KPTN: variants seen among roughly 807,000 people sequenced by gnomAD.
KPTN encodes KICSTOR complex protein kaptin.
In KPTN, 36 loss-of-function variants were observed where a neutral mutation model predicts 52.6. The observed-to-expected ratio is 0.68, with a 90% CI of 0.52 to 0.90. KPTN has a LOEUF of 0.90. Among genes scored for constraint, KPTN ranks in the 40% least tolerant of loss-of-function variants. The pLI is 0.00. For missense variants in KPTN, 529 were observed against 576.2 expected (o/e 0.92, Z 0.84); for synonymous variants, 271 against 248.4 (o/e 1.09, Z -0.85).
At chr19:47,484,315 C>G, upstream of KPTN, 1 of 978,112 alleles carries the variant, frequency 1.0e-6, no homozygotes, top group Non-Finnish European at 1.5e-6. Context: ...AAGATGGCGG[C>G]CAGGTCGCCT....
intron 7 of KPTN, 113 bp from the exon 8 acceptor site, chr19:47,480,053 T>C (rs1967815769): frequency 1.4e-5 from 6 of 436,916 alleles, no homozygotes; most frequent in Admixed American, 1.1e-4. Context: ...CCCGCCCCTC[T>C]GAAGCCCTCA....
intron 7 of KPTN, 68 bp from the exon 8 acceptor site, chr19:47,480,008 G>T: frequency 2.5e-6 from 3 of 1,212,720 alleles, no homozygotes; most frequent in Non-Finnish European, 3.4e-6. Flanking sequence ...TGAAACCATC[G>T]ACTTTCCGCC....
Position 47,481,002 on chromosome 19 carries a change from A to T in KPTN, c.481T>A (p.Phe161Ile). The T allele has an allele frequency of 6.3e-7, 1 of 1,593,736 alleles. No individual in the cohort carries two copies. Among genetic ancestry groups the T allele is most frequent in the Non-Finnish European group, 8.6e-7 (1 of 1,169,144 alleles). Residue 161 changes from phenylalanine to isoleucine, a missense_variant, in exon 5 of 12, where the codon TTT becomes ATT. Transcript: ENST00000338134. ...GCCGGGTCGTTCCCACTCAAGAGAA[A>T]CACAGTCTCAAGTTGATCCCCGACC... ...VQVGDQLETV[F>I]LLSGNDPAIH...
rs1967964464 is a variant in KPTN at position 47,483,553 on chromosome 19, G to C, written c.258C>G (p.Phe86Leu). Residue 86 changes from phenylalanine to leucine, a missense_variant, in exon 2 of 12, where the codon TTC becomes TTG. Coordinates refer to ENST00000338134, the MANE Select transcript of KPTN (RefSeq NM_007059.4). ...VDAEIVSIDTFNKSPPKRGLV... is the reference protein window; with the variant it reads ...VDAEIVSIDTLNKSPPKRGLV... ...GACCCCGCTTGGGGGGTGACTTGTT[G>C]AAAGTGTCGATGGAGACAATCTCCG... 6.4e-7 allele frequency: 1 copy of C among 1,570,448 alleles called. No homozygotes were observed. Among genetic ancestry groups the C allele is most frequent in the African/African-American group, 1.4e-5 (1 of 73,908 alleles).
At chr19:47,484,220 G>A (rs182647278), upstream of KPTN, 482 of 1,525,432 alleles carry the variant, frequency 3.2e-4, 3 homozygotes, top group African/African-American at 5.3e-3. Context: ...CCCAACCTAC[G>A]ACTCTCTAAG....
intron 8 of KPTN, 133 bp from the exon 9 acceptor site, chr19:47,477,914 G>A (rs1210813389): frequency 3.5e-6 from 2 of 578,272 alleles, no homozygotes; most frequent in Non-Finnish European, 3.2e-6. Context: ...ACAAAAATTA[G>A]CCGGGCATGG....
intron 11 of KPTN, 28 bp downstream of exon 11, chr19:47,476,504 C>T (rs1284630727): frequency 1.3e-6 from 2 of 1,563,892 alleles, no homozygotes; most frequent in African/African-American, 2.9e-5. Context: ...GAGGTCGACT[C>T]CCCTCCCACC....
chr19:47,480,343 G>T lies in KPTN; in HGVS notation c.664C>A (p.Gln222Lys). The part of the protein sequence containing the change: ...TSRRLSALGC[Q>K]SGYVRVAHVD... ...TGGGCGACACGGACATAACCACTCT[G>T]ACAGCCCAGAGCTGAGAGGCGCCGG... Residue 222 changes from glutamine to lysine, a missense_variant, in exon 7 of 12, where the codon CAG (glutamine) becomes AAG (lysine). By Grantham distance (53) the Gln-to-Lys change is moderately conservative (BLOSUM62 1). Coordinates refer to ENST00000338134, the MANE Select transcript of KPTN (RefSeq NM_007059.4). 2 of 1,549,256 alleles carry T rather than the reference G, an allele frequency of 1.3e-6. No individual in the cohort carries two copies. The highest frequency in any genetic ancestry group is 1.7e-6 in the Non-Finnish European group (2 of 1,146,346).
chr19:47,476,849 A>G lies in KPTN; in HGVS notation c.953T>C (p.Val318Ala). Residue 318 changes from valine to alanine, a missense_variant, in exon 10 of 12, where the codon GTG (valine) becomes GCG (alanine). Transcript: ENST00000338134. ...DSVLCSLVTD[V>A]DLDGRPEVLV... ...GACTTCTGGCCGCCCATCCAAATCCACATCGGTGACCAGGCTGCAGAGGAC... is the reference window on the plus strand; with the variant it reads ...GACTTCTGGCCGCCCATCCAAATCCGCATCGGTGACCAGGCTGCAGAGGAC... 6.3e-7 allele frequency: 1 copy of G among 1,577,528 alleles called. No individual in the cohort carries two copies. The highest frequency in any genetic ancestry group is 8.6e-7 in the Non-Finnish European group (1 of 1,161,152).
chr19:47,480,429 AGGAC>A, intron 6 of KPTN, 22 bp from the exon 7 acceptor site: 1 of 1,505,318 alleles, frequency 6.6e-7, no homozygotes, highest in South Asian at 1.3e-5. Context: ...GTGGATGGAC[AGGAC>A]GGACGGCCAT....
chr19:47,480,055 A>G (rs1967815861), intron 7 of KPTN, 115 bp from the exon 8 acceptor site: 1 of 514,942 alleles, frequency 1.9e-6, no homozygotes, highest in South Asian at 1.9e-5. Context: ...CGCCCCTCTG[A>G]AGCCCTCAAC....
chr19:47,485,209 T>C (rs1055305484), upstream of KPTN, among the ~76,000 whole-genome samples: 2 of 152,184 alleles, frequency 1.3e-5, no homozygotes, highest in African/African-American at 4.8e-5. Context: ...TCAGGATTCA[T>C]TGAGCTTTTA....
chr19:47,481,280 C>G (rs967600462), intron 4 of KPTN, among the ~76,000 whole-genome samples: 1 of 152,146 alleles, frequency 6.6e-6, no homozygotes, highest in Non-Finnish European at 1.5e-5. Flanking sequence ...CTCAGAATTG[C>G]GGGAACATGG....
intron 8 of KPTN, 127 bp downstream of exon 8, chr19:47,479,736 G>A: frequency 2.8e-6 from 2 of 706,616 alleles, no homozygotes; most frequent in Non-Finnish European, 5.0e-6. Context: ...GGGGATCCAG[G>A]AGAGAGGGAC....
chr19:47,478,546 C>T (rs534718424), intron 8 of KPTN, among the ~76,000 whole-genome samples: 2 of 109,728 alleles, frequency 1.8e-5, no homozygotes, highest in Admixed American at 2.8e-4. Context: ...CCACTGCAAC[C>T]AGCCTGACCA....
intron 4 of KPTN, among the ~76,000 whole-genome samples, chr19:47,482,793 C>T (rs1967930199): frequency 6.6e-6 from 1 of 152,168 alleles, no homozygotes; most frequent in Non-Finnish European, 1.5e-5. Context: ...GCAACCTCCG[C>T]CTCCCGGGTT....
intron 8 of KPTN, among the ~76,000 whole-genome samples, chr19:47,478,780 C>T (rs1241552453): frequency 2.6e-5 from 4 of 151,944 alleles, no homozygotes; most frequent in South Asian, 2.1e-4. Flanking sequence ...ATTCTAAGTG[C>T]AGTAACATAG....
Position 47,476,547 on chromosome 19 carries a change from G to T in KPTN, c.1167C>A (p.Gly389=). ...CTGGGGATACCTGCAGGATGTGCAC[G>T]CCCTTCAGGGAGACCACGGCAAGCT... ...LQELAVVSLK[G]VHILQHSLIQ... is the part of the protein sequence containing the mutation. Residue 389 remains glycine (G), a synonymous_variant, in exon 11 of 12, where the codon GGC becomes GGA. Transcript: ENST00000338134. 6.2e-7 allele frequency: 1 copy of T among 1,607,662 alleles called. No homozygotes were observed. Among genetic ancestry groups the T allele is most frequent in the Non-Finnish European group, 8.5e-7 (1 of 1,177,600 alleles).
rs1047204585 is a variant in KPTN at position 47,476,687 on chromosome 19, G to T, written c.1027C>A (p.Pro343Thr). 2 of 1,612,418 alleles carry T rather than the reference G, an allele frequency of 1.2e-6. No individual in the cohort carries two copies. Among genetic ancestry groups the T allele is most frequent in the Non-Finnish European group, 1.7e-6 (2 of 1,179,532 alleles). ...QELLCYKYRG[P>T]ESGLPEAQHG... ...TGGGCCTCAGGAAGCCCCGACTCTGGGCCCCGGTACTTATAACACAGCAGT... is the reference window on the plus strand; with the variant it reads ...TGGGCCTCAGGAAGCCCCGACTCTGTGCCCCGGTACTTATAACACAGCAGT... Residue 343 changes from proline (P) to threonine (T), a missense_variant, in exon 11 of 12, where the codon CCA becomes ACA. Pro to Thr is a conservative substitution (Grantham distance 38). Transcript: ENST00000338134.
Sources: allele counts gnomAD v4.1 joint callset (sites outside exome capture counted in the v4.1 genomes callset), GRCh38; gene constraint gnomAD v4.1.1; transcripts MANE v1.5; gene names NCBI Gene and HGNC (gene_info 2026-07-23, HGNC 2026-07-21).